Variants in CSMD1 observed in about 807,000 individuals in gnomAD.
CSMD1 encodes the protein CUB and Sushi multiple domains 1, also known as CUB and sushi domain-containing protein 1.
Under a neutral mutation model 417.5 loss-of-function variants are expected in CSMD1, and 213 were observed. The observed-to-expected ratio is 0.51, with a 90% CI of 0.46 to 0.57. The LOEUF is 0.57. Ranked by LOEUF, CSMD1 falls within the 20% of genes least tolerant of loss-of-function variation. CSMD1 has a pLI of 0.00. For missense variants in CSMD1, 6,923 were observed against 4,529.7 expected (o/e 1.53, Z -15.17); for synonymous variants, 2,862 against 1,736.8 (o/e 1.65, Z -16.11).
intron 4 of CSMD1, among the ~76,000 whole-genome samples, chr8:4,008,414 A>AT (rs531559253): frequency 6.0e-5 from 9 of 150,982 alleles, no homozygotes; most frequent in Non-Finnish European, 7.4e-5. Context: ...GTATTATATA[A>AT]TTTTTTTTTA....
At chr8:3,067,799 C>T (rs1050019321) in intron 49 of CSMD1, among the ~76,000 whole-genome samples, 1 of 151,664 alleles carries the variant, frequency 6.6e-6, no homozygotes, top group Non-Finnish European at 1.5e-5. Flanking sequence ...TCCTTGGTTC[C>T]ATGTGCTGTA....
At chr8:4,200,531 T>A (rs1428964069) in intron 3 of CSMD1, among the ~76,000 whole-genome samples, 1 of 152,162 alleles carries the variant, frequency 6.6e-6, no homozygotes, top group Non-Finnish European at 1.5e-5. Context: ...AAATGTATAT[T>A]AATATAAATG....
In CSMD1 at chr8:3,155,359, A is replaced by ATTTTTTTTTTTTTTTTTTTTTTTTTTTTT. The variant is rs556304192; in HGVS notation, c.5914+2537_5914+2538insAAAAAAAAAAAAAAAAAAAAAAAAAAAAA. On this transcript the variant is annotated intron_variant, in intron 39 of 69. Transcript: ENST00000635120. ...TTTTTCCTTCCAAATCAAGGCTGGGATTTTTTTTTTTTTTTTTTTTTTTTT... is the reference window on the plus strand; with the variant it reads ...TTTTTCCTTCCAAATCAAGGCTGGGATTTTTTTTTTTTTTTTTTTTTTTTTTTTTTTTTTTTTTTTTTTTTTTTTTTTTT... 1.5e-3 allele frequency among the ~76,000 whole-genome samples: 67 copies of ATTTTTTTTTTTTTTTTTTTTTTTTTTTTT among 43,320 alleles called. 22 individuals carry two copies. The highest frequency in any genetic ancestry group is 2.1e-3 in the Non-Finnish European group (45 of 21,378). 28.4% of individuals were successfully genotyped at this position (43,320 alleles called of 152,430 possible).
intron 7 of CSMD1, among the ~76,000 whole-genome samples, chr8:3,706,553 A>G (rs896783125): frequency 3.3e-5 from 5 of 152,200 alleles, no homozygotes; most frequent in African/African-American, 9.6e-5. Context: ...GTCATTATGC[A>G]TATGTCAATT....
chr8:4,741,480 A>C (rs1393032629), intron 1 of CSMD1, among the ~76,000 whole-genome samples: 1 of 152,226 alleles, frequency 6.6e-6, no homozygotes, highest in Non-Finnish European at 1.5e-5. Context: ...TCATAAACAT[A>C]CACAAATATT....
chr8:3,792,631 G>C (rs1397336309), intron 5 of CSMD1, among the ~76,000 whole-genome samples: 1 of 152,146 alleles, frequency 6.6e-6, no homozygotes, highest in Admixed American at 6.5e-5. Context: ...ATGACAGGCA[G>C]TAAGTTAATC....
intron 18 of CSMD1, among the ~76,000 whole-genome samples, chr8:3,381,622 A>C (rs1810631876): frequency 6.6e-6 from 1 of 152,218 alleles, no homozygotes; most frequent in Non-Finnish European, 1.5e-5. Context: ...TTACAAAATT[A>C]TAATTAGCCA....
At chr8:4,330,475 A>G (rs1799805716) in intron 3 of CSMD1, among the ~76,000 whole-genome samples, 1 of 151,960 alleles carries the variant, frequency 6.6e-6, no homozygotes. Flanking sequence ...CTGTAAACCC[A>G]GCTACTTAGG....
At chr8:3,493,780 T>A in intron 10 of CSMD1, 54 bp from the exon 11 acceptor site, 1 of 1,445,414 alleles carries the variant, frequency 6.9e-7, no homozygotes, top group Non-Finnish European at 9.5e-7. Flanking sequence ...TCCCATGACT[T>A]TTAATAGGTA....
intron 5 of CSMD1, among the ~76,000 whole-genome samples, chr8:3,819,398 G>C (rs114641189): frequency 6.6e-6 from 1 of 152,040 alleles, no homozygotes; most frequent in African/African-American, 2.4e-5. Context: ...AGAAAGTCAA[G>C]TTTACATTAA....
At chr8:3,598,268 T>A (rs1197799983) in intron 8 of CSMD1, 1 of 151,378 alleles carries the variant, frequency 6.6e-6, no homozygotes, top group Non-Finnish European at 1.5e-5. Flanking sequence ...GCTGTAAACA[T>A]CCCCAGAAAA....
intron 3 of CSMD1, among the ~76,000 whole-genome samples, chr8:4,119,668 A>C (rs1162128918): frequency 6.6e-6 from 1 of 152,194 alleles, no homozygotes; most frequent in East Asian, 1.9e-4. Context: ...ACACACTTGC[A>C]AGCCAGGAAG....
intron 1 of CSMD1, among the ~76,000 whole-genome samples, chr8:4,694,724 G>A (rs971704755): frequency 6.6e-6 from 1 of 152,080 alleles, no homozygotes; most frequent in African/African-American, 2.4e-5. Flanking sequence ...GTAACGTCAA[G>A]CTGTGCCCAA....
At chr8:3,088,463 T>TG (rs1462649301) in intron 48 of CSMD1, among the ~76,000 whole-genome samples, 1 of 152,204 alleles carries the variant, frequency 6.6e-6, no homozygotes, top group Non-Finnish European at 1.5e-5. Flanking sequence ...TGCTTAACAT[T>TG]GCTCCTTTCC....
intron 42 of CSMD1, 124 bp from the exon 43 acceptor site, chr8:3,110,459 T>C: frequency 1.4e-6 from 1 of 727,652 alleles, no homozygotes; most frequent in South Asian, 2.8e-5. Flanking sequence ...TGTGAAATAT[T>C]TCTGAATCAC....
intron 48 of CSMD1, among the ~76,000 whole-genome samples, chr8:3,088,415 G>A (rs1040788004): frequency 6.6e-6 from 1 of 152,072 alleles, no homozygotes; most frequent in East Asian, 1.9e-4. Context: ...ACTTCCCTCT[G>A]GGGCTTCCAT....
At chr8:4,976,008 G>A (rs1217287119) in intron 1 of CSMD1, among the ~76,000 whole-genome samples, 1 of 152,122 alleles carries the variant, frequency 6.6e-6, no homozygotes, top group African/African-American at 2.4e-5. Flanking sequence ...AACCCTTTCT[G>A]GTTTGGACTG....
chr8:3,166,639 T>C (rs138520131), intron 37 of CSMD1, among the ~76,000 whole-genome samples: 11 of 152,300 alleles, frequency 7.2e-5, no homozygotes, highest in East Asian at 5.8e-4. Context: ...TGATCTCTCA[T>C]ATTGTCAAGC....
At chr8:4,503,115 A>T (rs922515491) in intron 2 of CSMD1, among the ~76,000 whole-genome samples, 1 of 152,134 alleles carries the variant, frequency 6.6e-6, no homozygotes, top group African/African-American at 2.4e-5. Flanking sequence ...ATCTTAGAGA[A>T]CTATGTGTAA....
Sources: allele counts gnomAD v4.1 joint callset (sites outside exome capture counted in the v4.1 genomes callset), GRCh38; gene constraint gnomAD v4.1.1; transcripts MANE v1.5; gene names NCBI Gene and HGNC (gene_info 2026-07-23, HGNC 2026-07-21).